The following DLAT variants were observed in gnomAD, a reference collection of about 807,000 sequenced individuals.
DLAT encodes dihydrolipoyllysine-residue acetyltransferase component of pyruvate dehydrogenase complex, mitochondrial.
DLAT carries 43 observed loss-of-function variants against 68.0 expected under a neutral mutation model. The observed-to-expected ratio is 0.63, with a 90% confidence interval of 0.50 to 0.81. The LOEUF (loss-of-function observed/expected upper bound fraction) is 0.81, where lower values mean the gene tolerates loss of function less well. DLAT is among the 40% of genes least tolerant of loss of function. The probability of loss-of-function intolerance (pLI) is 0.00; values close to 1 mark genes in which losing one functional copy is unlikely to be tolerated. For missense variants in DLAT, 745 were observed against 815.4 expected, an observed-to-expected ratio of 0.91 and a Z score of 1.05; for synonymous variants, 265 against 288.6, an observed-to-expected ratio of 0.92 and a Z score of 0.83.
At chr11:112,040,145 A>G (rs1862976799) in intron 7 of DLAT, among the ~76,000 whole-genome samples, 1 of 152,206 alleles carries the variant, frequency 6.6e-6, no homozygotes, top group Non-Finnish European at 1.5e-5. Flanking sequence ...TCATATTGAT[A>G]TTACTGCCTG....
At chr11:112,058,463 G>A (rs367870659) in intron 11 of DLAT, among the ~76,000 whole-genome samples, 4 of 152,050 alleles carry the variant, frequency 2.6e-5, no homozygotes, top group African/African-American at 7.2e-5. Flanking sequence ...AGAAAGAGCT[G>A]GAGTTCTTTG....
intron 5 of DLAT, among the ~76,000 whole-genome samples, chr11:112,035,455 T>C (rs1290563027): frequency 6.6e-6 from 1 of 152,108 alleles, no homozygotes; most frequent in Non-Finnish European, 1.5e-5. Context: ...CTTTGAAGTC[T>C]ATTGTGGCCC....
At chr11:112,046,063 A>G (rs1863299843) in intron 10 of DLAT, 93 bp downstream of exon 10, 7 of 734,544 alleles carry the variant, frequency 9.5e-6, no homozygotes, top group South Asian at 7.8e-5. Flanking sequence ...TTTTGTTACA[A>G]TATATCAGTT....
intron 10 of DLAT, among the ~76,000 whole-genome samples, chr11:112,050,310 T>C (rs782105534): frequency 6.6e-6 from 1 of 152,006 alleles, no homozygotes; most frequent in Non-Finnish European, 1.5e-5. Flanking sequence ...ATTCATAAGA[T>C]ATTAGTGTGT....
intron 4 of DLAT, chr11:112,030,466 G>C (rs1555179871): frequency 3.7e-6 from 1 of 272,302 alleles, no homozygotes; most frequent in Non-Finnish European, 7.2e-6. Flanking sequence ...AGTGCTGTCT[G>C]TTGAATGAAA....
At chr11:112,030,870 T>G (rs1555179905) in intron 4 of DLAT, among the ~76,000 whole-genome samples, 1 of 152,264 alleles carries the variant, frequency 6.6e-6, no homozygotes, top group East Asian at 1.9e-4. Context: ...GGTCTGTTAG[T>G]AACAATCATT....
intron 12 of DLAT, among the ~76,000 whole-genome samples, chr11:112,060,310 G>T (rs2135159537): frequency 6.6e-6 from 1 of 151,750 alleles, no homozygotes; most frequent in East Asian, 1.9e-4. Flanking sequence ...ACAGGCACCT[G>T]CCACCACGCC....
At position 112,059,935 on chromosome 11, in the gene DLAT, G is replaced by A. The variant is rs782629889; in HGVS notation, c.1547G>A (p.Ser516Asn). The change falls in exon 12 of 14, where the codon AGT becomes AAT. Residue 516 changes from serine to asparagine, a missense_variant. Transcript: ENST00000280346. ...NHVVDVSVAV[S>N]TPAGLITPIV... Reference sequence around the variant, plus strand: ...GTTGTTGATGTCAGTGTTGCGGTCAGTACTCCTGCAGGACTCATCACACCT... The same window carrying A: ...GTTGTTGATGTCAGTGTTGCGGTCAATACTCCTGCAGGACTCATCACACCT... The A allele has an allele frequency of 2.5e-6, 4 of 1,612,788 alleles. No homozygotes were observed. The highest frequency in any genetic ancestry group is 1.7e-5 in the Admixed American group (1 of 59,954).
At chr11:112,045,100 A>G in intron 8 of DLAT, 38 bp from the exon 9 acceptor site, 5 of 1,506,098 alleles carry the variant, frequency 3.3e-6, no homozygotes, top group Non-Finnish European at 4.6e-6. Flanking sequence ...GCTAAGATTG[A>G]ATCACAGTTA....
intron 1 of DLAT, 23 bp downstream of exon 1, chr11:112,025,774 C>T (rs376058264): frequency 3.5e-5 from 56 of 1,612,250 alleles, no homozygotes; most frequent in Non-Finnish European, 4.7e-5. Context: ...CCCCCCTTCT[C>T]GGGACCCCGT....
intron 6 of DLAT, among the ~76,000 whole-genome samples, chr11:112,038,928 A>C (rs1862911704): frequency 6.6e-6 from 1 of 152,094 alleles, no homozygotes. Context: ...CGAATAAAGA[A>C]GTGGTAAGAG....
chr11:112,058,018 C>T (rs113071264), intron 11 of DLAT, among the ~76,000 whole-genome samples: 27 of 152,188 alleles, frequency 1.8e-4, no homozygotes, highest in African/African-American at 6.0e-4. Flanking sequence ...TCATGTGACT[C>T]GCTTTATTGC....
At chr11:112,056,599 G>A (rs1198708528) in intron 11 of DLAT, among the ~76,000 whole-genome samples, 4 of 151,948 alleles carry the variant, frequency 2.6e-5, no homozygotes, top group Non-Finnish European at 4.4e-5. Flanking sequence ...ATGTTTTCCA[G>A]TTTTTTGCTA....
At chr11:112,029,019 C>T (rs896040101) in intron 4 of DLAT, 74 bp downstream of exon 4, 33 of 1,543,044 alleles carry the variant, frequency 2.1e-5, no homozygotes, top group Non-Finnish European at 1.4e-5. Context: ...ATGGCTACTA[C>T]ATCTTGGAAA....
At position 112,039,416 on chromosome 11, in the gene DLAT, A is replaced by C. The variant is rs369013217; in HGVS notation, c.1129+19A>C. On this transcript the variant is annotated intron_variant, in intron 7 of 13. Coordinates refer to ENST00000280346, the MANE Select transcript of DLAT (RefSeq NM_001931.5). The stretch of plus-strand genomic sequence containing the variant: ...GTAAAAGGTAAATCTGTTTCTATAG[A>C]ATGGACTTTATAAAGTTAAAATTTA... The C allele has an allele frequency of 6.2e-7, 1 of 1,613,136 alleles. No homozygotes were observed. The highest frequency in any genetic ancestry group is 8.5e-7 in the Non-Finnish European group (1 of 1,179,384).
chr11:112,051,201 AAG>A lies in DLAT; in HGVS notation c.1399-31_1399-30del. The A allele has an allele frequency of 7.1e-7, 1 of 1,407,592 alleles. No individual in the cohort carries two copies. Among genetic ancestry groups the A allele is most frequent in the Non-Finnish European group, 9.9e-7 (1 of 1,013,664 alleles). The allele number at this position is 1,407,592 out of a possible 1,614,324, so 87.2% of individuals were successfully genotyped here. A position where few individuals can be genotyped will look rare whatever the true frequency, so the allele number is the denominator to read the frequency against. On this transcript the variant is annotated intron_variant, in intron 10 of 13. Coordinates refer to ENST00000280346, the MANE Select transcript of DLAT (RefSeq NM_001931.5). The surrounding 1 kb of genome is among the most constrained non-coding windows in gnomAD (Gnocchi z 4.3). ...CTTAAAATTAAAATTAAAATTAAAA[AAG>A]AAGAAACTACAGTTCTTCTTGTCTT...
intron 12 of DLAT, 152 bp downstream of exon 12, chr11:112,060,217 A>G (rs1864488933): frequency 1.5e-6 from 1 of 656,440 alleles, no homozygotes; most frequent in Non-Finnish European, 2.4e-6. Flanking sequence ...GCTGGAGTGC[A>G]GTGGCATGAT....
intron 2 of DLAT, among the ~76,000 whole-genome samples, chr11:112,027,461 G>A (rs1336043423): frequency 1.3e-5 from 2 of 151,274 alleles, no homozygotes; most frequent in Non-Finnish European, 2.9e-5. Flanking sequence ...GACGATGGGC[G>A]GCCAGGCAGA....
chr11:112,053,442 T>G (rs1592709890), intron 11 of DLAT, among the ~76,000 whole-genome samples: 2 of 147,650 alleles, frequency 1.4e-5, no homozygotes, highest in African/African-American at 2.6e-5. Flanking sequence ...CAACTGTTTG[T>G]TTTTTTTTGT....
Sources: gnomAD v4.1 joint callset for allele counts (sites outside exome capture counted in the v4.1 genomes callset) on GRCh38, gnomAD v4.1.1 for gene constraint, Gnocchi (gnomAD v3.1) non-coding constraint, MANE v1.5 for transcripts, NCBI Gene and HGNC (gene_info 2026-07-23, HGNC 2026-07-21) for gene names.